TLE1: variants seen among roughly 807,000 people sequenced by gnomAD.
TLE1 encodes the protein TLE family member 1, transcriptional corepressor, also known as transducin-like enhancer protein 1.
TLE1 carries 21 observed loss-of-function variants against 89.8 expected under a neutral mutation model. That is an observed-to-expected ratio of 0.23 (90% CI 0.17 to 0.34). The LOEUF is 0.34. TLE1 is among the 10% of genes least tolerant of loss of function. The pLI is 1.00. For synonymous variants in TLE1, 447 were observed against 407.6 expected, an observed-to-expected ratio of 1.10 and a Z score of -1.16; for missense variants, 795 against 1,031.2, an observed-to-expected ratio of 0.77 and a Z score of 3.14.
intron 4 of TLE1, among the ~76,000 whole-genome samples, chr9:81,672,020 G>A (rs1314580971): frequency 1.3e-5 from 2 of 152,134 alleles, no homozygotes; most frequent in Non-Finnish European, 2.9e-5. Flanking sequence ...AGGCTAGGGG[G>A]TTGTCAAGAA....
intron 7 of TLE1, 194 bp from the exon 8 acceptor site, chr9:81,633,558 G>C (rs1826979529): frequency 1.4e-6 from 1 of 704,584 alleles, no homozygotes; most frequent in Non-Finnish European, 2.3e-6. Flanking sequence ...GTAAACATAA[G>C]ATTTACAGTT....
chr9:81,595,763 G>A (rs1830107831), intron 14 of TLE1, among the ~76,000 whole-genome samples: 1 of 149,076 alleles, frequency 6.7e-6, no homozygotes, highest in Non-Finnish European at 1.5e-5. Flanking sequence ...AGCTTGTGGT[G>A]AGCCGAGATT....
At chr9:81,647,842 T>C (rs370783883) in intron 6 of TLE1, among the ~76,000 whole-genome samples, 1 of 152,202 alleles carries the variant, frequency 6.6e-6, no homozygotes, top group African/African-American at 2.4e-5. Flanking sequence ...AATATTCCTA[T>C]GTGGATTACC....
rs370127125 is a variant in TLE1, at chr9:81,587,146, A to G, written c.1977+535T>C. 1.3e-3 allele frequency among the ~76,000 whole-genome samples: 192 copies of G among 152,354 alleles called. 1 individual carries two copies. Among genetic ancestry groups the G allele is most frequent in the African/African-American group, 4.3e-3 (179 of 41,580 alleles). ...CAAAAGTCTGCAAATCTAGTCAGCC[A>G]CCAGTTCATTTTTTAAAGGATGAGG... On this transcript the variant is annotated intron_variant, in intron 17 of 19. Coordinates refer to ENST00000376499, the MANE Select transcript of TLE1 (RefSeq NM_005077.5).
In TLE1 at chr9:81,616,081, G is replaced by T. The variant is rs369913450; in HGVS notation, c.819C>A (p.Ile273=). The change falls in exon 11 of 20, where the codon ATC becomes ATA. Residue 273 remains isoleucine, a synonymous_variant. Transcript: ENST00000376499. ...CCTTCTTTAGCAGGCGATTTTTGTCGATTCCATTTTCCCGGGGCGAGTGGG... is the reference window on the plus strand; with the variant it reads ...CCTTCTTTAGCAGGCGATTTTTGTCTATTCCATTTTCCCGGGGCGAGTGGG... ...SPAHSPRENG[I]DKNRLLKKDA... 1 of 1,614,082 alleles carries T rather than the reference G, an allele frequency of 6.2e-7. No homozygotes were observed. The highest frequency in any genetic ancestry group is 1.7e-5 in the Admixed American group (1 of 60,004).
intron 14 of TLE1, among the ~76,000 whole-genome samples, chr9:81,607,450 T>C (rs1346798311): frequency 6.6e-6 from 1 of 152,150 alleles, no homozygotes; most frequent in Non-Finnish European, 1.5e-5. Context: ...CTTCCCCCAC[T>C]GCATCTTCTA....
At chr9:81,594,124 A>G (rs1399253255) in intron 14 of TLE1, among the ~76,000 whole-genome samples, 1 of 152,150 alleles carries the variant, frequency 6.6e-6, no homozygotes. Context: ...CTCTAAAAAA[A>G]TAAATAGGGA....
chr9:81,680,736 G>C (rs1302036384), intron 4 of TLE1, among the ~76,000 whole-genome samples: 1 of 151,722 alleles, frequency 6.6e-6, no homozygotes, highest in Non-Finnish European at 1.5e-5. Context: ...CAAAGAACAG[G>C]CCTGGCTAAT....
At chr9:81,587,168 G>A (rs892324932) in intron 17 of TLE1, among the ~76,000 whole-genome samples, 2 of 152,188 alleles carry the variant, frequency 1.3e-5, no homozygotes, top group Non-Finnish European at 2.9e-5. Context: ...TTTAAAGGAT[G>A]AGGAATAAAA....
intron 4 of TLE1, among the ~76,000 whole-genome samples, chr9:81,667,308 A>C (rs1831593896): frequency 6.6e-6 from 1 of 150,818 alleles, no homozygotes; most frequent in Non-Finnish European, 1.5e-5. Flanking sequence ...AGGTACAAGA[A>C]TCGCTTAAAC....
Position 81,688,317 on chromosome 9 carries a change from G to T in TLE1, c.-77C>A, listed in dbSNP as rs535895630. 3.5e-6 allele frequency: 5 copies of T among 1,425,462 alleles called. No individual in the cohort carries two copies. Among genetic ancestry groups the T allele is most frequent in the East Asian group, 6.0e-5 (2 of 33,544 alleles). The allele number at this position is 1,425,462 out of a possible 1,614,324, so 88.3% of individuals were successfully genotyped here. A position where few individuals can be genotyped will look rare whatever the true frequency, so the allele number is the denominator to read the frequency against. The stretch of plus-strand genomic sequence containing the variant: ...AATTTCCAACTTTAATCCCGCCGAG[G>T]AAAATTAAGCCGGAAAGCCAAGCAG... On this transcript the variant is annotated 5_prime_UTR_variant, in exon 1 of 20. Coordinates refer to ENST00000376499, the MANE Select transcript of TLE1 (RefSeq NM_005077.5).
At chr9:81,606,800 T>TAGAG (rs1488239039) in intron 14 of TLE1, among the ~76,000 whole-genome samples, 1 of 150,384 alleles carries the variant, frequency 6.6e-6, no homozygotes, top group Non-Finnish European at 1.5e-5. Flanking sequence ...TATATATATA[T>TAGAG]ATAGAGAGAG....
intron 9 of TLE1, among the ~76,000 whole-genome samples, chr9:81,617,518 G>A (rs7849605): frequency 0.25 from 37,941 of 151,154 alleles, 9,745 homozygotes; most frequent in African/African-American, 0.63. Context: ...CCTGGCCAAC[G>A]TGGTGAAACC....
At chr9:81,589,390 A>G (rs1008481515) in intron 16 of TLE1, among the ~76,000 whole-genome samples, 6 of 152,194 alleles carry the variant, frequency 3.9e-5, no homozygotes, top group Non-Finnish European at 8.8e-5. Flanking sequence ...GCTGGGTTAC[A>G]GTGGATACAA....
At chr9:81,590,318 G>A (rs1268419315) in intron 16 of TLE1, among the ~76,000 whole-genome samples, 1 of 152,176 alleles carries the variant, frequency 6.6e-6, no homozygotes, top group Non-Finnish European at 1.5e-5. Flanking sequence ...CCCCTGGGCA[G>A]GTCTATTTCA....
chr9:81,603,583 C>A (rs780862643), intron 14 of TLE1, among the ~76,000 whole-genome samples: 6 of 152,322 alleles, frequency 3.9e-5, no homozygotes, highest in African/African-American at 7.2e-5. Flanking sequence ...ACCAAAATAA[C>A]CTTTGTCTCC....
intron 4 of TLE1, among the ~76,000 whole-genome samples, chr9:81,675,320 T>A (rs531817989): frequency 1.1e-4 from 16 of 144,228 alleles, no homozygotes; most frequent in African/African-American, 4.3e-4. Context: ...AGACACTATG[T>A]AAAGACTAAG....
At chr9:81,666,172 C>T (rs527452209) in intron 4 of TLE1, among the ~76,000 whole-genome samples, 1 of 152,246 alleles carries the variant, frequency 6.6e-6, no homozygotes, top group East Asian at 1.9e-4. Flanking sequence ...GGAAAAAGGA[C>T]AGCTTTTGGT....
At chr9:81,625,911 TAAAA>T (rs35467275) in intron 8 of TLE1, among the ~76,000 whole-genome samples, 66 of 87,830 alleles carry the variant, frequency 7.5e-4, no homozygotes, top group African/African-American at 2.9e-3. Context: ...CAGAAACTAC[TAAAA>T]AAAAAAAAAA....
Sources: gnomAD v4.1 joint callset for allele counts (sites outside exome capture counted in the v4.1 genomes callset) on GRCh38, gnomAD v4.1.1 for gene constraint, MANE v1.5 for transcripts, NCBI Gene and HGNC (gene_info 2026-07-23, HGNC 2026-07-21) for gene names.